Variants in TTC23L observed in about 807,000 individuals in gnomAD.
The protein encoded by TTC23L is tetratricopeptide repeat domain 23 like.
A neutral mutation model predicts 48.1 loss-of-function variants in TTC23L; 42 were observed. The ratio of observed to expected loss-of-function variants is 0.87; its 90% CI spans 0.68 to 1.13. TTC23L has a LOEUF of 1.13. Ranked by LOEUF, TTC23L falls within the 50% of genes most tolerant of loss-of-function variation. The pLI, the probability that TTC23L is intolerant of heterozygous loss-of-function variation, is 0.00. For missense variants in TTC23L, 391 were observed against 421.0 expected, an observed-to-expected ratio of 0.93 and a Z score of 0.62; for synonymous variants, 159 against 157.2, an observed-to-expected ratio of 1.01 and a Z score of -0.09.
At chr5:34,865,423 A>G (rs13167483) in intron 6 of TTC23L, among the ~76,000 whole-genome samples, 47,249 of 152,168 alleles carry the variant, frequency 0.31, 9,165 homozygotes, top group Non-Finnish European at 0.43. Flanking sequence ...ACTTAAGTCC[A>G]CAGGGCAATA....
At chr5:34,905,926 G>A in the TTC23L span, 1 of 152,086 alleles carries the variant, frequency 6.6e-6, no homozygotes, top group Non-Finnish European at 1.5e-5. Flanking sequence ...AATAGCTGAA[G>A]ACATGCAGCT....
intron 8 of TTC23L, among the ~76,000 whole-genome samples, chr5:34,878,941 TC>T (rs1762038619): frequency 2.0e-5 from 3 of 152,174 alleles, no homozygotes; most frequent in Non-Finnish European, 4.4e-5. Flanking sequence ...ACAGAATCAG[TC>T]TAAGTATTCA....
the TTC23L span, chr5:34,909,343 C>T: frequency 2.5e-6 from 4 of 1,600,158 alleles, no homozygotes; most frequent in African/African-American, 4.0e-5. Flanking sequence ...CCTGCATTTC[C>T]AAAAGTAGAT....
chr5:34,845,046 G>C (rs543349089), intron 2 of TTC23L, among the ~76,000 whole-genome samples: 1 of 152,280 alleles, frequency 6.6e-6, no homozygotes, highest in Admixed American at 6.5e-5. Context: ...GGATCCTCCA[G>C]TTCAACACCC....
Position 34,849,503 on chromosome 5 carries a change from A to G in TTC23L, c.256-682A>G, listed in dbSNP as rs1759488994. Reference sequence around the variant, plus strand: ...CAAATAATTCGTAAGAAAAAGAACTAGAGATGGAAAAGTAACCTATAGATG... The same window carrying G: ...CAAATAATTCGTAAGAAAAAGAACTGGAGATGGAAAAGTAACCTATAGATG... On this transcript the variant is annotated intron_variant, in intron 3 of 10. Transcript: ENST00000505624. 2.6e-5 allele frequency among the ~76,000 whole-genome samples: 4 copies of G among 152,370 alleles called. No individual in the cohort carries two copies. The South Asian group carries it at 8.3e-4, about 32-fold the overall frequency.
At chr5:34,914,995 G>C in the TTC23L span, 1 of 1,301,366 alleles carries the variant, frequency 7.7e-7, no homozygotes. Flanking sequence ...TCCCATCAGT[G>C]CTGGCGAGGT....
At chr5:34,844,335 A>G (rs1274847462) in intron 2 of TTC23L, among the ~76,000 whole-genome samples, 1 of 151,888 alleles carries the variant, frequency 6.6e-6, no homozygotes, top group Non-Finnish European at 1.5e-5. Flanking sequence ...TAATTAGAAT[A>G]GAACTCTAGA....
chr5:34,900,028 T>A (rs1280150232), downstream of TTC23L, among the ~76,000 whole-genome samples: 1 of 152,248 alleles, frequency 6.6e-6, no homozygotes, highest in Admixed American at 6.5e-5. Flanking sequence ...TTTCCCTTTT[T>A]CTAACTCTAT....
At chr5:34,893,268 A>G (rs1222671312) in intron 9 of TTC23L, among the ~76,000 whole-genome samples, 1 of 152,164 alleles carries the variant, frequency 6.6e-6, no homozygotes, top group Non-Finnish European at 1.5e-5. Flanking sequence ...ATTAAATAGT[A>G]TTGGCAAGAG....
intron 9 of TTC23L, among the ~76,000 whole-genome samples, chr5:34,882,758 G>T (rs1269243580): frequency 6.6e-6 from 1 of 152,010 alleles, no homozygotes. Context: ...TGACAATCAC[G>T]GCTGGGTATG....
chr5:34,840,620 A>G (rs1758569176), intron 1 of TTC23L, 45 bp from the exon 2 acceptor site: 1 of 1,533,968 alleles, frequency 6.5e-7, no homozygotes, highest in African/African-American at 1.4e-5. Context: ...TAGAACAGAC[A>G]CCCAGCCTTT....
At chr5:34,878,177 T>G (rs1008124754) in intron 8 of TTC23L, among the ~76,000 whole-genome samples, 1 of 152,264 alleles carries the variant, frequency 6.6e-6, no homozygotes, top group Non-Finnish European at 1.5e-5. Context: ...GAAATATATG[T>G]GAGAAAAACA....
chr5:34,911,921 C>T, the TTC23L span: 1 of 1,288,742 alleles, frequency 7.8e-7, no homozygotes, highest in Non-Finnish European at 1.1e-6. Flanking sequence ...CGCCCAATTT[C>T]TCACATATAT....
Position 34,845,586 on chromosome 5 carries a change from G to A in TTC23L, c.168G>A (p.Lys56=), listed in dbSNP as rs774057046. Reference sequence around the variant, plus strand: ...AAGAGGAAACTAAAGCTAAAGAGAAGGAGAAGGCCATAGACTGTATGTCTC... The same window carrying A: ...AAGAGGAAACTAAAGCTAAAGAGAAAGAGAAGGCCATAGACTGTATGTCTC... Residue 56 remains lysine, a synonymous_variant, in exon 3 of 11, where the codon AAG becomes AAA. Transcript: ENST00000505624. The A allele has an allele frequency of 4.3e-6, 7 of 1,613,942 alleles. No homozygotes were observed. In the South Asian group the frequency reaches 7.7e-5, roughly 18 times the overall value.
At chr5:34,899,951 G>A (rs917670536), downstream of TTC23L, among the ~76,000 whole-genome samples, 2 of 152,148 alleles carry the variant, frequency 1.3e-5, no homozygotes, top group African/African-American at 4.8e-5. Flanking sequence ...TGACTTGGGG[G>A]AAAGAAATCT....
chr5:34,922,292 G>C, the TTC23L span: 1 of 1,526,266 alleles, frequency 6.6e-7, no homozygotes, highest in Non-Finnish European at 9.0e-7. Flanking sequence ...TATGTGGTAA[G>C]AGAATGTATT....
At chr5:34,887,135 G>T (rs79682594) in intron 9 of TTC23L, among the ~76,000 whole-genome samples, 180 of 152,300 alleles carry the variant, frequency 1.2e-3, no homozygotes, top group African/African-American at 4.2e-3. Context: ...TTCGCAGGGA[G>T]TTTCATCTGA....
At chr5:34,920,649 G>A in the TTC23L span, 1 of 152,134 alleles carries the variant, frequency 6.6e-6, no homozygotes, top group Non-Finnish European at 1.5e-5. Context: ...TTGGACAGCT[G>A]AGGCTACACC....
chr5:34,923,307 C>G, the TTC23L span: 3 of 1,242,230 alleles, frequency 2.4e-6, no homozygotes, highest in Non-Finnish European at 2.3e-6. Flanking sequence ...GAGACAGAGT[C>G]TCGCTCTTGT....
Sources: allele counts gnomAD v4.1 joint callset (sites outside exome capture counted in the v4.1 genomes callset), GRCh38; gene constraint gnomAD v4.1.1; transcripts MANE v1.5; gene names NCBI Gene and HGNC (gene_info 2026-07-23, HGNC 2026-07-21).